The following KCNH5 variants were observed in gnomAD, a reference collection of about 807,000 sequenced individuals.
KCNH5 encodes potassium voltage-gated channel subfamily H member 5, also known as voltage-gated delayed rectifier potassium channel KCNH5.
In KCNH5, 46 loss-of-function variants were observed where a neutral mutation model predicts 96.1. The ratio of observed to expected loss-of-function variants is 0.48; its 90% CI spans 0.38 to 0.61. The LOEUF is 0.61. KCNH5 is among the 20% of genes least tolerant of loss of function. The probability of loss-of-function intolerance (pLI) is 0.00; values close to 1 mark genes in which losing one functional copy is unlikely to be tolerated. For missense variants in KCNH5, 907 were observed against 1,225.8 expected, an observed-to-expected ratio of 0.74 and a Z score of 3.88; for synonymous variants, 439 against 449.8, an observed-to-expected ratio of 0.98 and a Z score of 0.30.
intron 10 of KCNH5, among the ~76,000 whole-genome samples, chr14:62,709,096 A>G (rs904384094): frequency 2.6e-5 from 4 of 151,226 alleles, no homozygotes; most frequent in East Asian, 3.9e-4. Context: ...AGCCGGGCGC[A>G]GTGGCGGGCG....
intron 10 of KCNH5, among the ~76,000 whole-genome samples, chr14:62,720,748 A>G (rs940479565): frequency 6.6e-6 from 1 of 152,190 alleles, no homozygotes; most frequent in East Asian, 1.9e-4. Flanking sequence ...AGGAAAAACA[A>G]CAACAACAAC....
intron 1 of KCNH5, among the ~76,000 whole-genome samples, chr14:63,035,348 A>G (rs1891703257): frequency 6.6e-6 from 1 of 152,248 alleles, no homozygotes; most frequent in South Asian, 2.1e-4. Flanking sequence ...CACACATGAT[A>G]GAAAAACACA....
At position 62,853,458 on chromosome 14, in the gene KCNH5, T is replaced by TATATATATATC. The variant is rs1334418449; in HGVS notation, c.1370-3607_1370-3606insGATATATATAT. Among the ~76,000 whole-genome samples the TATATATATATC allele has an allele frequency of 1.2e-3, 51 of 43,972 alleles. 1 individual carries two copies. Among genetic ancestry groups the TATATATATATC allele is most frequent in the African/African-American group, 3.9e-3 (50 of 12,818 alleles). The allele number at this position is 43,972 out of a possible 152,430, so 28.8% of individuals were successfully genotyped here. ...ATTTCCCAAACAAAAAGAATAATCA[T>TATATATATATC]ATATATATATATATATATATATCAT... On this transcript the variant is annotated intron_variant, in intron 7 of 10. Coordinates refer to ENST00000322893, the MANE Select transcript of KCNH5 (RefSeq NM_139318.5).
chr14:62,965,627 G>C (rs28568958), intron 6 of KCNH5, among the ~76,000 whole-genome samples: 63,897 of 151,784 alleles, frequency 0.42, 14,241 homozygotes, highest in African/African-American at 0.54. Context: ...TGGACTAAGA[G>C]AGCCATCCCT....
chr14:62,779,404 A>C (rs1250192689), intron 10 of KCNH5, among the ~76,000 whole-genome samples: 1 of 152,204 alleles, frequency 6.6e-6, no homozygotes, highest in Non-Finnish European at 1.5e-5. Flanking sequence ...AAAAGGTAAA[A>C]GACACTGGAG....
chr14:62,867,955 C>T (rs547204117), intron 7 of KCNH5, among the ~76,000 whole-genome samples: 9 of 152,210 alleles, frequency 5.9e-5, no homozygotes, highest in African/African-American at 2.2e-4. Context: ...CAACACTTAC[C>T]CCTACCTGAC....
chr14:63,039,232 C>T (rs1213884448), intron 1 of KCNH5, among the ~76,000 whole-genome samples: 1 of 152,064 alleles, frequency 6.6e-6, no homozygotes, highest in Non-Finnish European at 1.5e-5. Context: ...GATTTACTGA[C>T]TAAGAGGAAA....
intron 7 of KCNH5, among the ~76,000 whole-genome samples, chr14:62,903,865 A>T (rs1008642104): frequency 6.6e-6 from 1 of 152,044 alleles, no homozygotes; most frequent in African/African-American, 2.4e-5. Flanking sequence ...TTAATACTAA[A>T]AAGTAGATCT....
At chr14:62,827,383 C>G (rs1217219595) in intron 8 of KCNH5, among the ~76,000 whole-genome samples, 1 of 152,148 alleles carries the variant, frequency 6.6e-6, no homozygotes, top group Non-Finnish European at 1.5e-5. Context: ...CTAATAATCT[C>G]CATTTTTAAC....
At chr14:62,905,333 C>T (rs536028412) in intron 7 of KCNH5, among the ~76,000 whole-genome samples, 49 of 152,276 alleles carry the variant, frequency 3.2e-4, no homozygotes, top group African/African-American at 9.9e-4. Context: ...AATAATAAGG[C>T]ACAGAAACTG....
At chr14:62,788,414 C>T (rs868562847) in intron 9 of KCNH5, among the ~76,000 whole-genome samples, 23 of 152,264 alleles carry the variant, frequency 1.5e-4, no homozygotes, top group Middle Eastern at 3.4e-3. Flanking sequence ...ACAGAATCTA[C>T]TCTTAGTGAA....
chr14:62,981,091 C>G lies in KCNH5; in HGVS notation c.723G>C (p.Lys241Asn). 1 of 1,614,128 alleles carries G rather than the reference C, an allele frequency of 6.2e-7. No homozygotes were observed. The highest frequency in any genetic ancestry group is 8.5e-7 in the Non-Finnish European group (1 of 1,180,006). The change falls in exon 6 of 11, where the codon AAG becomes AAC. Residue 241 changes from lysine to asparagine, a missense_variant. Around this residue, in one of 6 missense-constraint regions of KCNH5, gnomAD observed 370 missense variants for 561.3 expected, o/e 0.66. Coordinates refer to ENST00000322893, the MANE Select transcript of KCNH5 (RefSeq NM_139318.5). ...GTACCAGCCAGGCTATGTTGTTCTG[C>G]TTTGTTTTGAAGGAAACATTATAAG... Reference protein sequence around the residue: ...MVPYNVSFKTKQNNIAWLVLD... With the variant: ...MVPYNVSFKTNQNNIAWLVLD...
At chr14:62,750,633 A>G (rs1885477574) in intron 10 of KCNH5, among the ~76,000 whole-genome samples, 1 of 152,208 alleles carries the variant, frequency 6.6e-6, no homozygotes, top group African/African-American at 2.4e-5. Flanking sequence ...CATCTAATAG[A>G]TTTAGAATTT....
At chr14:62,811,993 A>T (rs530516218) in intron 8 of KCNH5, among the ~76,000 whole-genome samples, 1 of 152,280 alleles carries the variant, frequency 6.6e-6, no homozygotes, top group Non-Finnish European at 1.5e-5. Context: ...TTCCTAGTTC[A>T]CTGCCATTTT....
intron 9 of KCNH5, among the ~76,000 whole-genome samples, chr14:62,781,729 C>T (rs1036886765): frequency 3.3e-5 from 5 of 152,192 alleles, no homozygotes; most frequent in Admixed American, 3.3e-4. Flanking sequence ...ATTCCCTGAA[C>T]AATTGCTGTT....
chr14:62,933,705 A>G (rs552456354), intron 7 of KCNH5, among the ~76,000 whole-genome samples: 1 of 152,300 alleles, frequency 6.6e-6, no homozygotes, highest in South Asian at 2.1e-4. Context: ...AGATCAAGGA[A>G]TTTCCATTTT....
intron 3 of KCNH5, among the ~76,000 whole-genome samples, chr14:63,002,033 G>A (rs1234213270): frequency 6.6e-6 from 1 of 152,156 alleles, no homozygotes; most frequent in African/African-American, 2.4e-5. Context: ...ACATCAGAGA[G>A]AGAGGATGTC....
At chr14:62,887,654 G>A (rs1316166457) in intron 7 of KCNH5, among the ~76,000 whole-genome samples, 1 of 152,072 alleles carries the variant, frequency 6.6e-6, no homozygotes, top group Non-Finnish European at 1.5e-5. Context: ...TCAGAATATA[G>A]CGTTCCAGCT....
intron 8 of KCNH5, among the ~76,000 whole-genome samples, chr14:62,821,910 T>C (rs918816178): frequency 6.6e-5 from 10 of 152,144 alleles, no homozygotes; most frequent in Admixed American, 6.6e-4. Context: ...GAGGTGAATG[T>C]ACTGATGGTA....
Sources: gnomAD v4.1 joint callset for allele counts (sites outside exome capture counted in the v4.1 genomes callset) on GRCh38, gnomAD v4.1.1 for gene constraint, gnomAD v4.1.1 regional missense constraint, MANE v1.5 for transcripts, NCBI Gene and HGNC (gene_info 2026-07-23, HGNC 2026-07-21) for gene names.